The following ATP10D variants were observed in gnomAD, a reference collection of about 807,000 sequenced individuals.
ATP10D encodes the protein phospholipid-transporting ATPase VD.
A neutral mutation model predicts 144.8 loss-of-function variants in ATP10D; 89 were observed. That is an observed-to-expected ratio of 0.61 (90% CI 0.52 to 0.73). The LOEUF is 0.73. Ranked by LOEUF, ATP10D falls within the 30% of genes least tolerant of loss-of-function variation. ATP10D has a pLI of 0.00. For missense variants in ATP10D, 1,603 were observed against 1,714.8 expected (o/e 0.93, Z 1.15); for synonymous variants, 571 against 615.1 (o/e 0.93, Z 1.06).
chr4:47,561,128 A>G, intron 14 of ATP10D, 53 bp downstream of exon 14: 1 of 1,596,876 alleles, frequency 6.3e-7, no homozygotes, highest in Non-Finnish European at 8.6e-7. Context: ...AAAACACTGG[A>G]TATCTTTGAA....
chr4:47,547,968 C>T (rs1718527460), intron 10 of ATP10D, among the ~76,000 whole-genome samples: 1 of 152,186 alleles, frequency 6.6e-6, no homozygotes, highest in Non-Finnish European at 1.5e-5. Context: ...GAAGAATGTA[C>T]ACAGTTCATT....
rs917861516 is a variant in ATP10D, at chr4:47,546,609, C to A, written c.1397-15C>A. On this transcript the variant is annotated splice_polypyrimidine_tract_variant and intron_variant, in intron 9 of 22. Coordinates refer to ENST00000273859, the MANE Select transcript of ATP10D (RefSeq NM_020453.4). ...TCTTCTCAGACATTGACTCAGTGTG[C>A]TTTTTATCCCACAGCCAGGAGGTTG... 4.3e-6 allele frequency: 7 copies of A among 1,609,860 alleles called. No individual in the cohort carries two copies. Among genetic ancestry groups the A allele is most frequent in the East Asian group, 4.5e-5 (2 of 44,866 alleles).
intron 22 of ATP10D, among the ~76,000 whole-genome samples, chr4:47,587,692 GA>G (rs1720855720): frequency 6.6e-6 from 1 of 152,146 alleles, no homozygotes; most frequent in Non-Finnish European, 1.5e-5. Flanking sequence ...TCAGATGGTG[GA>G]AGGGCAAAGA....
Position 47,552,767 on chromosome 4 carries a change from A to G in ATP10D, c.1636-1959A>G, listed in dbSNP as rs111442346. Among the ~76,000 whole-genome samples, 164 of 152,302 alleles carry G rather than the reference A, an allele frequency of 1.1e-3. 3 individuals are homozygous for G. Among genetic ancestry groups the G allele is most frequent in the African/African-American group, 3.9e-3 (161 of 41,570 alleles). On this transcript the variant is annotated intron_variant, in intron 10 of 22. Transcript: ENST00000273859. ...AATTATTAGTCAAATAATTGCTGAGATCATTGATACAATGAAATCACTATT... is the reference window on the plus strand; with the variant it reads ...AATTATTAGTCAAATAATTGCTGAGGTCATTGATACAATGAAATCACTATT...
chr4:47,580,198 T>C (rs192445330), intron 19 of ATP10D, among the ~76,000 whole-genome samples, 200 bp from the exon 20 acceptor site: 2 of 152,366 alleles, frequency 1.3e-5, no homozygotes, highest in Non-Finnish European at 2.9e-5. Context: ...GAATAAATGT[T>C]CCTTCAAGGA....
intron 5 of ATP10D, among the ~76,000 whole-genome samples, chr4:47,535,266 C>G (rs776341517): frequency 6.6e-6 from 1 of 150,788 alleles, no homozygotes; most frequent in Non-Finnish European, 1.5e-5. Flanking sequence ...CTGCAACACA[C>G]AATTTACCTA....
chr4:47,576,777 A>T lies in ATP10D; in HGVS notation c.3371A>T (p.Tyr1124Phe), dbSNP rs778542947. 6.2e-7 allele frequency: 1 copy of T among 1,613,704 alleles called. No individual in the cohort carries two copies. Reference sequence around the variant, plus strand: ...TGTCCTTCTTTGTGTCTCTAGGCCTATGTGAACCTCCTTTTCTGGTACCAG... The same window carrying T: ...TGTCCTTCTTTGTGTCTCTAGGCCTTTGTGAACCTCCTTTTCTGGTACCAG... ...ILYFFYKNVA[Y>F]VNLLFWYQFF... The change falls in exon 19 of 23, where the codon TAT (tyrosine) becomes TTT (phenylalanine). Residue 1124 changes from tyrosine to phenylalanine, a missense_variant. Physicochemically the swap from Tyr to Phe is conservative, Grantham distance 22. Transcript: ENST00000273859.
chr4:47,542,335 T>C (rs989029585), intron 9 of ATP10D, among the ~76,000 whole-genome samples: 9 of 151,324 alleles, frequency 5.9e-5, no homozygotes, highest in Non-Finnish European at 8.8e-5. Flanking sequence ...GGGCTCAAGC[T>C]ATCTGCCAGC....
At chr4:47,566,716 C>G (rs1330858348) in intron 15 of ATP10D, among the ~76,000 whole-genome samples, 1 of 152,212 alleles carries the variant, frequency 6.6e-6, no homozygotes, top group African/African-American at 2.4e-5. Flanking sequence ...TTAGCAAACA[C>G]TGACCACTGC....
At chr4:47,570,416 T>C (rs960405978) in intron 16 of ATP10D, among the ~76,000 whole-genome samples, 1 of 152,200 alleles carries the variant, frequency 6.6e-6, no homozygotes, top group African/African-American at 2.4e-5. Flanking sequence ...CCATTAAATA[T>C]CTAAGCAGTG....
At chr4:47,575,930 T>C (rs1276558492) in intron 18 of ATP10D, among the ~76,000 whole-genome samples, 1 of 138,230 alleles carries the variant, frequency 7.2e-6, no homozygotes, top group Non-Finnish European at 1.6e-5. Context: ...GTCCCTTTTT[T>C]TTTTTTTTTT....
At chr4:47,529,353 A>G (rs1280894305) in intron 5 of ATP10D, among the ~76,000 whole-genome samples, 3 of 152,162 alleles carry the variant, frequency 2.0e-5, no homozygotes, top group Non-Finnish European at 4.4e-5. Context: ...ATTCTTCTAC[A>G]TATGCCTAGC....
intron 15 of ATP10D, among the ~76,000 whole-genome samples, chr4:47,567,141 C>G (rs535066281): frequency 6.6e-6 from 1 of 152,336 alleles, no homozygotes; most frequent in African/African-American, 2.4e-5. Flanking sequence ...AAATGTCACT[C>G]TATGCATGTG....
intron 3 of ATP10D, among the ~76,000 whole-genome samples, chr4:47,516,467 C>G (rs1005626031): frequency 6.6e-6 from 1 of 152,152 alleles, no homozygotes; most frequent in African/African-American, 2.4e-5. Flanking sequence ...TTATTTGCAG[C>G]TCCTGGGTTT....
In ATP10D at chr4:47,499,443, T is replaced by C. The variant is rs544944592; in HGVS notation, c.-37-13061T>C. ...CACTGGGGTCATTTATTTACATTTC[T>C]TAATTATTGTAAGGTAGTTGGAAGT... On this transcript the variant is annotated intron_variant, in intron 1 of 22. Transcript: ENST00000273859. 4.6e-5 allele frequency among the ~76,000 whole-genome samples: 7 copies of C among 152,342 alleles called. No homozygotes were observed. The East Asian group carries it at 1.3e-3, about 29-fold the overall frequency.
chr4:47,512,667 A>G lies in ATP10D; in HGVS notation c.127A>G (p.Thr43Ala). ...CGCCTGTGGGCGCAAGTCCTCTCAG[A>G]CCCCTAAACTGTCAGGAAGGCACCG... ...LLACGRKSSQTPKLSGRHRIV... is the reference protein window; with the variant it reads ...LLACGRKSSQAPKLSGRHRIV... Residue 43 changes from threonine to alanine, a missense_variant, in exon 2 of 23, where the codon ACC becomes GCC. Transcript: ENST00000273859. 1.2e-6 allele frequency: 2 copies of G among 1,614,088 alleles called. No homozygotes were observed. Among genetic ancestry groups the G allele is most frequent in the Non-Finnish European group, 1.7e-6 (2 of 1,180,028 alleles).
chr4:47,505,244 G>C (rs10011886), intron 1 of ATP10D, among the ~76,000 whole-genome samples: 18,973 of 152,256 alleles, frequency 0.12, 1,354 homozygotes, highest in Non-Finnish European at 0.16. Flanking sequence ...AATAACATGA[G>C]TGATAGCTAA....
chr4:47,528,450 T>C (rs918273497), intron 5 of ATP10D, among the ~76,000 whole-genome samples: 2 of 147,690 alleles, frequency 1.4e-5, no homozygotes, highest in African/African-American at 5.0e-5. Flanking sequence ...AGCTGAATAG[T>C]AGTCCATGGT....
chr4:47,554,841 T>G lies in ATP10D; in HGVS notation c.1751T>G (p.Ile584Ser), dbSNP rs748032488. 27 of 1,614,048 alleles carry G rather than the reference T, an allele frequency of 1.7e-5. No individual in the cohort carries two copies. The highest frequency in any genetic ancestry group is 2.3e-5 in the Non-Finnish European group (27 of 1,180,014). Residue 584 changes from isoleucine to serine, a missense_variant, in exon 11 of 23, where the codon ATT (isoleucine) becomes AGT (serine). By Grantham distance (142) the Ile-to-Ser change is moderately radical. Transcript: ENST00000273859. ...AATCCACCAATGGAAACTTTGTACA[T>G]TATCGACTTTTTCATTGCATTGGCA... is the stretch of plus-strand genomic sequence containing the variant. ...IQNPPMETLYIIDFFIALAIC... is the reference protein window; with the variant it reads ...IQNPPMETLYSIDFFIALAIC...
Sources: gnomAD v4.1 joint callset for allele counts (sites outside exome capture counted in the v4.1 genomes callset) on GRCh38, gnomAD v4.1.1 for gene constraint, MANE v1.5 for transcripts, NCBI Gene and HGNC (gene_info 2026-07-23, HGNC 2026-07-21) for gene names.